Variants in COL9A3 observed in about 807,000 individuals in gnomAD.
The protein encoded by COL9A3 is collagen alpha-3(IX) chain.
Under a neutral mutation model 110.2 loss-of-function variants are expected in COL9A3, and 82 were observed. The observed-to-expected ratio is 0.74, with a 90% CI of 0.62 to 0.89. COL9A3 has a LOEUF of 0.89. COL9A3 is among the 40% of genes least tolerant of loss of function. The pLI, the probability that COL9A3 is intolerant of heterozygous loss-of-function variation, is 0.00. For synonymous variants in COL9A3, 494 were observed against 403.8 expected, an observed-to-expected ratio of 1.22 and a Z score of -2.68; for missense variants, 1,066 against 981.3, an observed-to-expected ratio of 1.09 and a Z score of -1.15.
In COL9A3 at chr20:62,826,163, G is replaced by T. The variant is rs775116448; in HGVS notation, c.685-41G>T. The T allele has an allele frequency of 3.9e-6, 6 of 1,545,204 alleles. No individual in the cohort carries two copies. The East Asian group carries it at 1.5e-4, about 38-fold the overall frequency. ...GGCCCTGGGTGCTCCCCGGGGTGGA[G>T]GTGCAGCCCCAGCCTCTGCATCTGT... On this transcript the variant is annotated intron_variant, in intron 13 of 31. Coordinates refer to ENST00000649368, the MANE Select transcript of COL9A3 (RefSeq NM_001853.4).
rs1222915438 is a variant in COL9A3 at position 62,833,024 on chromosome 20, T to C, written c.1328T>C (p.Ile443Thr). 6.2e-7 allele frequency: 1 copy of C among 1,613,866 alleles called. No individual in the cohort carries two copies. The change falls in exon 26 of 32, where the codon ATT becomes ACT. Residue 443 changes from isoleucine (I) to threonine (T), a missense_variant. By Grantham distance (89) the Ile-to-Thr change is moderately conservative (BLOSUM62 -1). Coordinates refer to ENST00000649368, the MANE Select transcript of COL9A3 (RefSeq NM_001853.4). Reference protein sequence around the residue: ...GAAGPKGDQGIAGSDGLPGDK... With the variant: ...GAAGPKGDQGTAGSDGLPGDK... ...TTTGGGGTGTATCGTTTTCAGGGTATTGCAGGTTCCGACGGTCTTCCTGGG... is the reference window on the plus strand; with the variant it reads ...TTTGGGGTGTATCGTTTTCAGGGTACTGCAGGTTCCGACGGTCTTCCTGGG...
At chr20:62,816,834 C>T (rs1990929822), upstream of COL9A3, among the ~76,000 whole-genome samples, 1 of 152,168 alleles carries the variant, frequency 6.6e-6, no homozygotes. Context: ...ATAATTTTAA[C>T]TCGCGGCCGG....
chr20:62,822,388 CA>C, intron 9 of COL9A3, among the ~76,000 whole-genome samples: 1 of 152,300 alleles, frequency 6.6e-6, no homozygotes, highest in Non-Finnish European at 1.5e-5. Context: ...GCCCCAAGGA[CA>C]GGTGGATTCT....
chr20:62,837,066 C>A lies in COL9A3; in HGVS notation c.1604-17C>A, dbSNP rs769879303. On this transcript the variant is annotated splice_polypyrimidine_tract_variant and intron_variant, in intron 29 of 31. Transcript: ENST00000649368. The stretch of plus-strand genomic sequence containing the variant: ...ATCCTCTCTCGAGTAAACGCCTGCA[C>A]CCTTGTTTTCCCAAAGAACAAATTG... The A allele has an allele frequency of 6.2e-7, 1 of 1,612,188 alleles. No individual in the cohort carries two copies. Among genetic ancestry groups the A allele is most frequent in the South Asian group, 1.1e-5 (1 of 91,090 alleles).
chr20:62,821,576 C>T (rs755330928), intron 7 of COL9A3, 46 bp downstream of exon 7: 47 of 1,612,106 alleles, frequency 2.9e-5, no homozygotes, highest in Admixed American at 2.2e-4. Flanking sequence ...ACGCAAGTCC[C>T]GAGAGCCTGC....
chr20:62,828,939 A>G lies in COL9A3; in HGVS notation c.971A>G (p.Asn324Ser), dbSNP rs1162681748. ...LDGQKGEAGR[N>S]GAPGEKGPNG... Reference sequence around the variant, plus strand: ...TCCTCACAGGGAGAGGCTGGTCGCAACGGTGCTCCGGGAGAGAAGGGCCCC... The same window carrying G: ...TCCTCACAGGGAGAGGCTGGTCGCAGCGGTGCTCCGGGAGAGAAGGGCCCC... The change falls in exon 19 of 32, where the codon AAC (asparagine) becomes AGC (serine). Residue 324 changes from asparagine (N) to serine (S), a missense_variant. By Grantham distance (46) the Asn-to-Ser change is conservative. Coordinates refer to ENST00000649368, the MANE Select transcript of COL9A3 (RefSeq NM_001853.4). 4 of 1,611,506 alleles carry G rather than the reference A, an allele frequency of 2.5e-6. No homozygotes were observed. The highest frequency in any genetic ancestry group is 1.3e-5 in the African/African-American group (1 of 74,926).
Position 62,826,749 on chromosome 20 carries a change from C to T in COL9A3, c.739-18C>T, listed in dbSNP as rs762277136. 6.2e-7 allele frequency: 1 copy of T among 1,612,304 alleles called. No individual in the cohort carries two copies. The highest frequency in any genetic ancestry group is 1.7e-5 in the Admixed American group (1 of 59,978). ...GGCCTCAGACAAGAGGACCCCGGAT[C>T]CCCTCTCTCCTCTGCAGGGTCCCAT... On this transcript the variant is annotated intron_variant, in intron 14 of 31. Transcript: ENST00000649368.
In COL9A3 at chr20:62,821,479, G is replaced by A. The variant is rs1316297852; in HGVS notation, c.346-28G>A. On this transcript the variant is annotated intron_variant, in intron 6 of 31. Transcript: ENST00000649368. ...GGCGCAGCCCTTCTTGTGCCTGGCA[G>A]GCTCTGACCCCATGTTTGGCTTTGC... 51 of 1,612,802 alleles carry A rather than the reference G, an allele frequency of 3.2e-5. 1 individual carries two copies. Among genetic ancestry groups the A allele is most frequent in the Non-Finnish European group, 4.2e-5 (50 of 1,179,944 alleles).
rs1029805186 is a variant in COL9A3 at position 62,838,754 on chromosome 20, G to A, written c.1857G>A (p.Gly619=). Residue 619 remains glycine, a synonymous_variant, in exon 31 of 32, where the codon GGG becomes GGA. Transcript: ENST00000649368. ...TGGACGGGCCTGAAGGAGACCAGGG[G>A]CCCCAAGGTACGAGTCCACGGCCAG... ...AGLDGPEGDQ[G]PQGPQGVPGT... 1.3e-6 allele frequency: 2 copies of A among 1,551,780 alleles called. No homozygotes were observed. The highest frequency in any genetic ancestry group is 1.7e-6 in the Non-Finnish European group (2 of 1,147,060).
chr20:62,819,106 G>GCA, intron 3 of COL9A3, 116 bp from the exon 4 acceptor site: 1 of 1,023,592 alleles, frequency 9.8e-7, no homozygotes, highest in Non-Finnish European at 1.5e-6. Context: ...CCAGGAGAGG[G>GCA]GCCCATCCCG....
chr20:62,835,285 G>A (rs187864683), intron 26 of COL9A3, among the ~76,000 whole-genome samples: 109 of 152,322 alleles, frequency 7.2e-4, no homozygotes, highest in African/African-American at 2.0e-3. Flanking sequence ...CCAAGACCGA[G>A]GGGTGCATCC....
Position 62,822,173 on chromosome 20 carries a change from TG to T in COL9A3, c.477+12del. 1 of 1,548,020 alleles carries T rather than the reference TG, an allele frequency of 6.5e-7. No individual in the cohort carries two copies. Among genetic ancestry groups the T allele is most frequent in the South Asian group, 1.1e-5 (1 of 89,772 alleles). On this transcript the variant is annotated intron_variant, in intron 9 of 31. Coordinates refer to ENST00000649368, the MANE Select transcript of COL9A3 (RefSeq NM_001853.4). ...GACCTCCCGGACCCCCTGTAAGTAC[TG>T]GGCAGAGGCTCTAAGAAGTGCTGGG...
intron 5 of COL9A3, among the ~76,000 whole-genome samples, chr20:62,820,243 A>C (rs1160476954): frequency 1.3e-5 from 2 of 151,626 alleles, no homozygotes; most frequent in Non-Finnish European, 2.9e-5. Context: ...GTTTGGGGGA[A>C]CCCACCCCAG....
intron 10 of COL9A3, 75 bp from the exon 11 acceptor site, chr20:62,824,370 G>A: frequency 2.8e-6 from 4 of 1,418,710 alleles, no homozygotes; most frequent in South Asian, 2.5e-5. Flanking sequence ...CTGGGGTCCC[G>A]CGGGCGCTGA....
intron 29 of COL9A3, 162 bp downstream of exon 29, chr20:62,836,694 C>T (rs903071500): frequency 7.2e-5 from 55 of 766,222 alleles, no homozygotes; most frequent in South Asian, 3.5e-4. Flanking sequence ...TCCGCCTTGG[C>T]GTCTGCCTGT....
chr20:62,825,367 G>T, intron 12 of COL9A3: 1 of 332,036 alleles, frequency 3.0e-6, no homozygotes. Context: ...TGTGGCCGGG[G>T]CGAGGGGCAT....
At position 62,836,474 on chromosome 20, in the gene COL9A3, C is replaced by T; in HGVS notation, c.1549-4C>T. 1.9e-6 allele frequency: 3 copies of T among 1,613,614 alleles called. No individual in the cohort carries two copies. Among genetic ancestry groups the T allele is most frequent in the Non-Finnish European group, 2.5e-6 (3 of 1,179,778 alleles). On this transcript the variant is annotated splice_region_variant and splice_polypyrimidine_tract_variant and intron_variant, in intron 28 of 31. Transcript: ENST00000649368. ...TGCTGACGAATGTGTGGGGTGAATT[C>T]CAGGGGAAGGAGGCCAGCGAGCAGC...
In COL9A3 at chr20:62,832,194, G is replaced by T. The variant is rs1451024367; in HGVS notation, c.1323+5G>T. The T allele has an allele frequency of 6.2e-7, 1 of 1,612,782 alleles. No homozygotes were observed. The highest frequency in any genetic ancestry group is 1.3e-5 in the African/African-American group (1 of 75,046). The stretch of plus-strand genomic sequence containing the variant: ...GCAGGCCCTAAGGGAGACCAGGTGA[G>T]CTGGGCACAGGCTGGGGCAAAAGGA... On this transcript the variant is annotated splice_donor_5th_base_variant and intron_variant, in intron 25 of 31. Coordinates refer to ENST00000649368, the MANE Select transcript of COL9A3 (RefSeq NM_001853.4).
rs868771564 is a variant in COL9A3 at position 62,822,052 on chromosome 20, G to A, written c.424-59G>A. 1.5e-4 allele frequency: 153 copies of A among 1,034,956 alleles called. 1 individual carries two copies. In the South Asian group the frequency reaches 1.8e-3, roughly 12 times the overall value. The allele number at this position is 1,034,956 out of a possible 1,614,324, so 64.1% of individuals were successfully genotyped here. ...CGTGTCCACCTCCCTGGGAGAAGCC[G>A]GGCACCTCACTCAGGTGGGGGCTGG... On this transcript the variant is annotated intron_variant, in intron 8 of 31. Coordinates refer to ENST00000649368, the MANE Select transcript of COL9A3 (RefSeq NM_001853.4).
Sources: gnomAD v4.1 joint callset for allele counts (sites outside exome capture counted in the v4.1 genomes callset) on GRCh38, gnomAD v4.1.1 for gene constraint, MANE v1.5 for transcripts, NCBI Gene and HGNC (gene_info 2026-07-23, HGNC 2026-07-21) for gene names.